The following CNTNAP2 variants were observed in gnomAD, a reference collection of about 807,000 sequenced individuals.
CNTNAP2 encodes the protein contactin-associated protein-like 2.
CNTNAP2 carries 98 observed loss-of-function variants against 155.2 expected under a neutral mutation model. The observed-to-expected ratio is 0.63, with a 90% CI of 0.54 to 0.75. CNTNAP2 has a LOEUF of 0.75. CNTNAP2 is among the 30% of genes least tolerant of loss of function. The pLI is 0.00. For missense variants in CNTNAP2, 1,727 were observed against 1,688.1 expected, an observed-to-expected ratio of 1.02 and a Z score of -0.40; for synonymous variants, 651 against 631.2, an observed-to-expected ratio of 1.03 and a Z score of -0.47.
rs76128492 is a variant in CNTNAP2 at position 147,738,459 on chromosome 7, G to A, written c.2098+99153G>A. On this transcript the variant is annotated intron_variant, in intron 13 of 23. Transcript: ENST00000361727. ...GCCACCCCAGCTTTCAACAACAACT[G>A]CCCTCATCAATTGGAAGTCATCAAA... Among the ~76,000 whole-genome samples the A allele has an allele frequency of 4.4e-3, 667 of 152,014 alleles. 6 individuals are homozygous for A. Among genetic ancestry groups the A allele is most frequent in the African/African-American group, 0.015 (634 of 41,494 alleles).
In CNTNAP2 at chr7:147,631,428, G is replaced by A. The variant is rs1351111055; in HGVS notation, c.1898-7678G>A. On this transcript the variant is annotated intron_variant, in intron 12 of 23. Transcript: ENST00000361727. Reference sequence around the variant, plus strand: ...TACTGCCAAAATCAATCTACAGATTGCAATTTCCATCAAAGTACCATCAAT... The same window carrying A: ...TACTGCCAAAATCAATCTACAGATTACAATTTCCATCAAAGTACCATCAAT... Among the ~76,000 whole-genome samples the A allele has an allele frequency of 2.0e-5, 3 of 152,006 alleles. No homozygotes were observed. The East Asian group carries it at 5.8e-4, about 29-fold the overall frequency.
chr7:147,266,236 A>G (rs1034668577), intron 8 of CNTNAP2, among the ~76,000 whole-genome samples: 1 of 152,236 alleles, frequency 6.6e-6, no homozygotes, highest in Non-Finnish European at 1.5e-5. Context: ...AAGGACCACG[A>G]TAAAAGGCTA....
chr7:148,013,006 A>T (rs1465111759), intron 15 of CNTNAP2, among the ~76,000 whole-genome samples: 2 of 152,314 alleles, frequency 1.3e-5, no homozygotes, highest in Non-Finnish European at 2.9e-5. Context: ...GCTTTTCTGT[A>T]ATTGTACGTG....
chr7:147,950,556 C>T (rs570652729), intron 14 of CNTNAP2, among the ~76,000 whole-genome samples: 36 of 152,184 alleles, frequency 2.4e-4, no homozygotes, highest in African/African-American at 8.4e-4. Context: ...GGAAAATAGA[C>T]AGCTTCTGGG....
intron 15 of CNTNAP2, among the ~76,000 whole-genome samples, chr7:148,099,029 C>T (rs1351925521): frequency 6.6e-6 from 1 of 152,056 alleles, no homozygotes. Context: ...CAGCCGGGGA[C>T]AGTGAGAGGA....
chr7:146,234,147 T>A lies in CNTNAP2; in HGVS notation c.97+117174T>A, dbSNP rs1482620217. Among the ~76,000 whole-genome samples the A allele has an allele frequency of 3.3e-5, 5 of 149,730 alleles. No individual in the cohort carries two copies. The East Asian group carries it at 6.1e-4, about 18-fold the overall frequency. ...CACCTGTTGTTTCCTGACTTTTTAA[T>A]GATTGCCATTCTAACTGGTGTGAGA... is the stretch of plus-strand genomic sequence containing the variant. On this transcript the variant is annotated intron_variant, in intron 1 of 23. Coordinates refer to ENST00000361727, the MANE Select transcript of CNTNAP2 (RefSeq NM_014141.6).
chr7:146,598,005 C>T (rs111664370), intron 1 of CNTNAP2, among the ~76,000 whole-genome samples: 8 of 152,180 alleles, frequency 5.3e-5, no homozygotes, highest in East Asian at 1.9e-4. Context: ...TCCAGGCATA[C>T]GCATGCTCCT....
chr7:147,424,169 A>G (rs1797342098), intron 10 of CNTNAP2, among the ~76,000 whole-genome samples: 1 of 151,894 alleles, frequency 6.6e-6, no homozygotes, highest in Non-Finnish European at 1.5e-5. Context: ...CAATCTACCC[A>G]TTTCTTCTTC....
chr7:146,473,475 C>T (rs1796829625), intron 1 of CNTNAP2, among the ~76,000 whole-genome samples: 2 of 152,002 alleles, frequency 1.3e-5, no homozygotes, highest in Admixed American at 1.3e-4. Context: ...TCTATCTTTC[C>T]TGTCCCTCAG....
intron 11 of CNTNAP2, among the ~76,000 whole-genome samples, chr7:147,541,466 C>T (rs894629289): frequency 3.9e-5 from 6 of 152,096 alleles, no homozygotes; most frequent in Admixed American, 6.5e-5. Flanking sequence ...TTGTTGTTGT[C>T]GTAATATAAG....
chr7:146,447,221 T>C (rs1370934775), intron 1 of CNTNAP2, among the ~76,000 whole-genome samples: 3 of 152,060 alleles, frequency 2.0e-5, no homozygotes, highest in Admixed American at 2.0e-4. Context: ...TGCTTAACTT[T>C]TATTGCTCAA....
chr7:147,653,222 G>A (rs905430597), intron 13 of CNTNAP2, among the ~76,000 whole-genome samples: 7 of 152,056 alleles, frequency 4.6e-5, no homozygotes, highest in Admixed American at 6.6e-5. Context: ...ATATGGAAAC[G>A]AAATGTTGAT....
chr7:146,934,513 G>T (rs1796868408), intron 3 of CNTNAP2, among the ~76,000 whole-genome samples: 1 of 151,758 alleles, frequency 6.6e-6, no homozygotes, highest in South Asian at 2.1e-4. Context: ...ACGAGTTAAT[G>T]GGTGCAGCAC....
At chr7:147,781,732 C>A (rs1336476211) in intron 13 of CNTNAP2, among the ~76,000 whole-genome samples, 1 of 152,142 alleles carries the variant, frequency 6.6e-6, no homozygotes, top group Non-Finnish European at 1.5e-5. Flanking sequence ...CTGATAGAAT[C>A]CTCCATTCAG....
chr7:148,246,091 A>G (rs1585213887), intron 20 of CNTNAP2, among the ~76,000 whole-genome samples: 1 of 152,218 alleles, frequency 6.6e-6, no homozygotes, highest in Non-Finnish European at 1.5e-5. Context: ...TCTCTATGTA[A>G]TGATCTTCCT....
intron 22 of CNTNAP2, among the ~76,000 whole-genome samples, chr7:148,400,395 C>T (rs1295626484): frequency 6.6e-6 from 1 of 152,154 alleles, no homozygotes; most frequent in Non-Finnish European, 1.5e-5. Context: ...TCTTGCACTC[C>T]TGTTAACATC....
intron 15 of CNTNAP2, among the ~76,000 whole-genome samples, chr7:148,088,436 A>G (rs939862119): frequency 2.7e-5 from 4 of 149,226 alleles, no homozygotes; most frequent in Middle Eastern, 3.5e-3. Context: ...TAGACTAAGA[A>G]AAAAAAAGAG....
intron 10 of CNTNAP2, among the ~76,000 whole-genome samples, chr7:147,398,354 T>C (rs989276638): frequency 2.6e-5 from 4 of 151,642 alleles, no homozygotes; most frequent in Non-Finnish European, 4.4e-5. Context: ...GCTTTTCTTT[T>C]CTCCTTCCCA....
intron 3 of CNTNAP2, among the ~76,000 whole-genome samples, chr7:146,869,284 GT>G (rs1225762278): frequency 7.9e-5 from 12 of 152,106 alleles, no homozygotes; most frequent in African/African-American, 2.9e-4. Context: ...CATGTGTTTT[GT>G]TTTTTGTCTT....
Sources: allele counts gnomAD v4.1 joint callset (sites outside exome capture counted in the v4.1 genomes callset), GRCh38; gene constraint gnomAD v4.1.1; transcripts MANE v1.5; gene names NCBI Gene and HGNC (gene_info 2026-07-23, HGNC 2026-07-21).